Variants in MROH2B observed in about 807,000 individuals in gnomAD.
MROH2B encodes the protein maestro heat like repeat family member 2B, also known as maestro heat-like repeat-containing protein family member 2B.
In MROH2B, 177 loss-of-function variants were observed where a neutral mutation model predicts 208.6. The observed-to-expected ratio is 0.85, with a 90% CI of 0.75 to 0.96. The LOEUF is 0.96. Among genes scored for constraint, MROH2B ranks in the 40% least tolerant of loss-of-function variants. The pLI is 0.00. For synonymous variants in MROH2B, 728 were observed against 659.0 expected (o/e 1.10, Z -1.60); for missense variants, 2,002 against 1,878.7 (o/e 1.07, Z -1.21).
chr5:41,067,056 G>C, intron 3 of MROH2B, 52 bp downstream of exon 3: 1 of 961,900 alleles, frequency 1.0e-6, no homozygotes, highest in Non-Finnish European at 1.6e-6. Flanking sequence ...TGTCCACATG[G>C]GTGCAGTTGG....
intron 24 of MROH2B, among the ~76,000 whole-genome samples, chr5:41,022,716 C>A (rs538402816): frequency 6.6e-6 from 1 of 151,556 alleles, no homozygotes; most frequent in African/African-American, 2.4e-5. Flanking sequence ...TCTCCCGGCA[C>A]GAAGATCTGA....
At chr5:41,040,142 A>C (rs2150170783) in intron 19 of MROH2B, among the ~76,000 whole-genome samples, 1 of 152,286 alleles carries the variant, frequency 6.6e-6, no homozygotes, top group South Asian at 2.1e-4. Context: ...ATTGCTGGGA[A>C]GCTAATGGAG....
rs757922833 is a variant in MROH2B at position 41,012,758 on chromosome 5, T to A, written c.2983-23A>T. 1.9e-6 allele frequency: 3 copies of A among 1,612,480 alleles called. No homozygotes were observed. In the Admixed American group the frequency reaches 5.0e-5, roughly 27 times the overall value. ...AATCTGAAAATGCACCCAGAAAGAT[T>A]CGTGTAATCAACCACCCCATTTTAT... On this transcript the variant is annotated intron_variant, in intron 29 of 41. Coordinates refer to ENST00000399564, the MANE Select transcript of MROH2B (RefSeq NM_173489.5).
intron 15 of MROH2B, 56 bp downstream of exon 15, chr5:41,049,045 G>C (rs1743205009): frequency 6.6e-7 from 1 of 1,515,522 alleles, no homozygotes; most frequent in Middle Eastern, 1.9e-4. Flanking sequence ...ATTTGGAACT[G>C]AACTATCCTT....
At chr5:41,003,574 C>A (rs1188913973) in intron 37 of MROH2B, among the ~76,000 whole-genome samples, 1 of 152,046 alleles carries the variant, frequency 6.6e-6, no homozygotes, top group Non-Finnish European at 1.5e-5. Context: ...CACAGGCTTG[C>A]AAAATATTTA....
intron 11 of MROH2B, 25 bp downstream of exon 11, chr5:41,054,742 C>A: frequency 6.5e-7 from 1 of 1,537,768 alleles, no homozygotes. Context: ...CTACCATCGA[C>A]AAGAGTTTCT....
At chr5:41,044,298 C>T (rs1280829068) in intron 18 of MROH2B, among the ~76,000 whole-genome samples, 1 of 151,270 alleles carries the variant, frequency 6.6e-6, no homozygotes, top group Admixed American at 6.6e-5. Flanking sequence ...TCAAGTATAC[C>T]TTGTGAGCCT....
intron 24 of MROH2B, among the ~76,000 whole-genome samples, chr5:41,022,038 G>A (rs1742167509): frequency 6.6e-6 from 1 of 152,188 alleles, no homozygotes; most frequent in Non-Finnish European, 1.5e-5. Flanking sequence ...AAGGTATACA[G>A]CATGATGTTA....
At chr5:41,068,529 C>T (rs1182060474) in intron 2 of MROH2B, among the ~76,000 whole-genome samples, 1 of 152,190 alleles carries the variant, frequency 6.6e-6, no homozygotes, top group Non-Finnish European at 1.5e-5. Context: ...GTGTTACGTA[C>T]TGATGCTACA....
chr5:40,999,197 ATAAAG>A (rs1389526072), intron 40 of MROH2B, among the ~76,000 whole-genome samples: 2 of 152,232 alleles, frequency 1.3e-5, no homozygotes, highest in Non-Finnish European at 2.9e-5. Flanking sequence ...GAGAGGTAAC[ATAAAG>A]TTAAGTCAAT....
Position 41,042,135 on chromosome 5 carries a change from T to C in MROH2B, c.1910A>G (p.Lys637Arg), listed in dbSNP as rs1742973054. 2.5e-6 allele frequency: 4 copies of C among 1,597,174 alleles called. No individual in the cohort carries two copies. The Admixed American group carries it at 6.9e-5, about 28-fold the overall frequency. ...TTGGTTGGGAGCAGTCAGAAACTCC[T>C]TAATCTGTGAGTTTACAAAGTCTGA... is the stretch of plus-strand genomic sequence containing the variant. ...QDSDFVNSQI[K>R]EFLTAPNQLG... Residue 637 changes from lysine (K) to arginine (R), a missense_variant, in exon 19 of 42, where the codon AAG becomes AGG. Physicochemically the swap from Lys to Arg is conservative, Grantham distance 26. Transcript: ENST00000399564.
chr5:40,999,694 G>A lies in MROH2B; in HGVS notation c.4568C>T (p.Ala1523Val). 1 of 1,612,648 alleles carries A rather than the reference G, an allele frequency of 6.2e-7. No homozygotes were observed. ...GTACTCACCTGTGAGTTTGACAGCT[G>A]CACTCCTGATCACCTCCCAGGTGCT... is the stretch of plus-strand genomic sequence containing the variant. ...FTSTWEVIRS[A>V]AVKLTDAVVL... is the part of the protein sequence containing the mutation. Residue 1523 changes from alanine (A) to valine (V), a missense_variant, in exon 40 of 42, where the codon GCA (alanine) becomes GTA (valine). By Grantham distance (64) the Ala-to-Val change is moderately conservative. Coordinates refer to ENST00000399564, the MANE Select transcript of MROH2B (RefSeq NM_173489.5).
intron 7 of MROH2B, 84 bp downstream of exon 7, chr5:41,057,979 C>T (rs544394987): frequency 7.4e-7 from 1 of 1,345,742 alleles, no homozygotes; most frequent in African/African-American, 1.5e-5. Context: ...GTTTAAGCTC[C>T]TTAGGGTCTT....
At chr5:41,050,944 A>G in intron 13 of MROH2B, 33 bp downstream of exon 13, 1 of 1,391,620 alleles carries the variant, frequency 7.2e-7, no homozygotes, top group Non-Finnish European at 9.9e-7. Context: ...AGGTGATCAA[A>G]GTAACTGTAA....
At chr5:41,050,833 A>G in intron 13 of MROH2B, 144 bp downstream of exon 13, 5 of 592,446 alleles carry the variant, frequency 8.4e-6, no homozygotes, top group Non-Finnish European at 1.2e-5. Flanking sequence ...TGTGTTGGAC[A>G]CAGCGTTGCA....
intron 37 of MROH2B, among the ~76,000 whole-genome samples, chr5:41,004,091 T>C (rs1017689022): frequency 6.6e-6 from 1 of 152,174 alleles, no homozygotes; most frequent in African/African-American, 2.4e-5. Context: ...TGAGGGTCCT[T>C]CCTAGGGCAT....
chr5:41,068,192 A>G (rs1743870695), intron 2 of MROH2B, among the ~76,000 whole-genome samples: 2 of 152,228 alleles, frequency 1.3e-5, no homozygotes, highest in South Asian at 4.1e-4. Context: ...GTTGTTAAAT[A>G]GCATCCTTTG....
chr5:41,018,210 C>T (rs1742019518), intron 27 of MROH2B, 131 bp downstream of exon 27: 1 of 1,060,024 alleles, frequency 9.4e-7, no homozygotes, highest in Middle Eastern at 2.1e-4. Context: ...GATCTCTCTC[C>T]AAAAGTGTTC....
At chr5:41,007,730 AT>A (rs1451733872) in intron 33 of MROH2B, among the ~76,000 whole-genome samples, 3 of 152,182 alleles carry the variant, frequency 2.0e-5, no homozygotes, top group Non-Finnish European at 4.4e-5. Flanking sequence ...AAAATACCAT[AT>A]TTCACTGATT....
Sources: gnomAD v4.1 joint callset for allele counts (sites outside exome capture counted in the v4.1 genomes callset) on GRCh38, gnomAD v4.1.1 for gene constraint, MANE v1.5 for transcripts, NCBI Gene and HGNC (gene_info 2026-07-23, HGNC 2026-07-21) for gene names.